Variants in MBOAT2 observed in about 807,000 individuals in gnomAD.
MBOAT2 encodes the protein membrane bound glycerophospholipid O-acyltransferase 2, also known as membrane-bound glycerophospholipid O-acyltransferase 2.
A neutral mutation model predicts 63.4 loss-of-function variants in MBOAT2; 28 were observed. That is an observed-to-expected ratio of 0.44 (90% CI 0.33 to 0.61). The LOEUF (loss-of-function observed/expected upper bound fraction) is 0.61, where lower values mean the gene tolerates loss of function less well. Ranked by LOEUF, MBOAT2 falls within the 20% of genes least tolerant of loss-of-function variation. The pLI is 0.03. For missense variants in MBOAT2, 470 were observed against 605.8 expected (o/e 0.78, Z 2.35); for synonymous variants, 211 against 215.6 (o/e 0.98, Z 0.19).
chr2:8,935,651 CTA>C (rs36047734), intron 3 of MBOAT2, among the ~76,000 whole-genome samples: 25 of 152,188 alleles, frequency 1.6e-4, no homozygotes, highest in Non-Finnish European at 2.2e-4. Context: ...AAAAGTTTAC[CTA>C]TGTGCCCACA....
rs995487653 is a variant in MBOAT2 at position 9,003,422 on chromosome 2, G to T, written c.75+118C>A. 106 of 484,962 alleles carry T rather than the reference G, an allele frequency of 2.2e-4. 1 individual carries two copies. The highest frequency in any genetic ancestry group is 7.3e-4 in the Middle Eastern group (1 of 1,376). 30.0% of individuals were successfully genotyped at this position (484,962 alleles called of 1,614,324 possible). A position where few individuals can be genotyped will look rare whatever the true frequency, so the allele number is the denominator to read the frequency against. The stretch of plus-strand genomic sequence containing the variant: ...TCCCTTCCAGGGAGCGGCGGGTAGG[G>T]GGGCACCGGGCGCCCGGCCCCAGCC... On this transcript the variant is annotated intron_variant, in intron 1 of 12. Coordinates refer to ENST00000305997, the MANE Select transcript of MBOAT2 (RefSeq NM_138799.4). This position sits in a 1 kb window ranked among gnomAD's most constrained non-coding sequence, Gnocchi z 5.4.
rs1279054089 is a variant in MBOAT2 at position 8,958,658 on chromosome 2, A to G, written c.76-16T>C. On this transcript the variant is annotated splice_polypyrimidine_tract_variant and intron_variant, in intron 1 of 12. Transcript: ENST00000305997. ...CAAAGTTGACCTGTAAAGAAAAATTAAAATTTTGTATTAGCAACACAGACC... is the reference window on the plus strand; with the variant it reads ...CAAAGTTGACCTGTAAAGAAAAATTGAAATTTTGTATTAGCAACACAGACC... The G allele has an allele frequency of 6.5e-7, 1 of 1,545,038 alleles. No individual in the cohort carries two copies. Among genetic ancestry groups the G allele is most frequent in the Non-Finnish European group, 8.7e-7 (1 of 1,150,084 alleles).
At chr2:8,863,520 C>T (rs1317337683) in intron 10 of MBOAT2, among the ~76,000 whole-genome samples, 1 of 152,094 alleles carries the variant, frequency 6.6e-6, no homozygotes, top group Non-Finnish European at 1.5e-5. Flanking sequence ...TCTACCTTGC[C>T]CTGTTCACGA....
intron 2 of MBOAT2, among the ~76,000 whole-genome samples, chr2:8,949,441 CT>C (rs548479006): frequency 9.6e-4 from 132 of 137,996 alleles, no homozygotes; most frequent in Middle Eastern, 3.9e-3. Flanking sequence ...ATGTTCCTTG[CT>C]TTTTTTTTTT....
intron 6 of MBOAT2, among the ~76,000 whole-genome samples, chr2:8,879,178 C>T (rs529600165): frequency 6.6e-6 from 1 of 151,226 alleles, no homozygotes; most frequent in South Asian, 2.1e-4. Flanking sequence ...TCTTTCAGTT[C>T]TTTCTATTTA....
At chr2:8,927,224 A>G (rs933785918) in intron 3 of MBOAT2, among the ~76,000 whole-genome samples, 102 of 152,090 alleles carry the variant, frequency 6.7e-4, no homozygotes, top group Non-Finnish European at 7.2e-4. Context: ...CCTTCTTCCA[A>G]TGGCCATTTC....
In MBOAT2 at chr2:8,856,931, T is replaced by A. The variant is rs1377668751; in HGVS notation, c.*1748A>T. On this transcript the variant is annotated 3_prime_UTR_variant, in exon 13 of 13. Coordinates refer to ENST00000305997, the MANE Select transcript of MBOAT2 (RefSeq NM_138799.4). This position sits in a 1 kb window ranked among gnomAD's most constrained non-coding sequence, Gnocchi z 4.2. ...CCTTTCCTGGGTAGGGTTAGCCTTA[T>A]CAGCCGGAAAACACTTACTTTTAGA... is the stretch of plus-strand genomic sequence containing the variant. 1 of 152,242 alleles carries A rather than the reference T, an allele frequency of 6.6e-6. No individual in the cohort carries two copies. The allele number at this position is 152,242 out of a possible 1,614,324, so 9.4% of individuals were successfully genotyped here. A position where few individuals can be genotyped will look rare whatever the true frequency, so the allele number is the denominator to read the frequency against.
At position 8,899,341 on chromosome 2, in the gene MBOAT2, A is replaced by T. The variant is rs189228409; in HGVS notation, c.395+9280T>A. ...CCAAGTCTCCCAATTACAACTGAGG[A>T]GGTGGGAGAAATACCTGGTTACAGG... On this transcript the variant is annotated intron_variant, in intron 4 of 12. Transcript: ENST00000305997. Among the ~76,000 whole-genome samples, 393 of 152,294 alleles carry T rather than the reference A, an allele frequency of 2.6e-3. 2 individuals are homozygous for T. Among genetic ancestry groups the T allele is most frequent in the Non-Finnish European group, 4.0e-3 (273 of 68,018 alleles).
chr2:8,958,901 C>T (rs1255383981), intron 1 of MBOAT2, among the ~76,000 whole-genome samples: 3 of 152,162 alleles, frequency 2.0e-5, no homozygotes, highest in Non-Finnish European at 4.4e-5. Context: ...TGTAGAAGGA[C>T]ACCTGGAAAA....
At chr2:8,967,065 A>G (rs1363805571) in intron 1 of MBOAT2, among the ~76,000 whole-genome samples, 1 of 152,226 alleles carries the variant, frequency 6.6e-6, no homozygotes, top group Non-Finnish European at 1.5e-5. Context: ...GTCAATTCAG[A>G]GGAATATATA....
Position 8,858,682 on chromosome 2 carries a change from C to T in MBOAT2, c.1560G>A (p.Gln520=). ...ACAGCCCTCAGAGCCTTCCCGATCA[C>T]TGCTTTAGTGATGAATGTCTCGAGG... ...EIASRHSSLK[Q] is the part of the protein sequence containing the mutation. The change falls in exon 13 of 13, where the codon CAG becomes CAA. Residue 520 remains glutamine (Q), a synonymous_variant. Coordinates refer to ENST00000305997, the MANE Select transcript of MBOAT2 (RefSeq NM_138799.4). 6.2e-7 allele frequency: 1 copy of T among 1,608,826 alleles called. No individual in the cohort carries two copies. The highest frequency in any genetic ancestry group is 8.5e-7 in the Non-Finnish European group (1 of 1,176,746).
chr2:8,986,538 G>C (rs1671581450), intron 1 of MBOAT2, among the ~76,000 whole-genome samples: 1 of 151,942 alleles, frequency 6.6e-6, no homozygotes, highest in Non-Finnish European at 1.5e-5. Flanking sequence ...ACTCTAGGCT[G>C]GGGGAGACAG....
rs569649878 is a variant in MBOAT2 at position 8,937,224 on chromosome 2, G to A, written c.299+5963C>T. Among the ~76,000 whole-genome samples the A allele has an allele frequency of 8.5e-5, 13 of 152,344 alleles. No individual in the cohort carries two copies. In the East Asian group the frequency reaches 1.7e-3, roughly 20 times the overall value. On this transcript the variant is annotated intron_variant, in intron 3 of 12. Coordinates refer to ENST00000305997, the MANE Select transcript of MBOAT2 (RefSeq NM_138799.4). Reference sequence around the variant, plus strand: ...AGACCCCCATGGGGCAGGCCCTGAGGTGGATCCCAGTGTTCTAAATGAGGC... The same window carrying A: ...AGACCCCCATGGGGCAGGCCCTGAGATGGATCCCAGTGTTCTAAATGAGGC...
chr2:8,894,833 T>C (rs1664309760), intron 4 of MBOAT2, among the ~76,000 whole-genome samples: 1 of 152,230 alleles, frequency 6.6e-6, no homozygotes. Context: ...CTGCAGACCT[T>C]CACGGTGAGT....
At chr2:8,908,827 T>C (rs1331331728) in intron 3 of MBOAT2, 111 bp from the exon 4 acceptor site, 7 of 640,492 alleles carry the variant, frequency 1.1e-5, no homozygotes, top group Non-Finnish European at 1.9e-5. Context: ...TAAATATTAC[T>C]AGATCTACTC....
At chr2:8,891,678 A>G (rs1436947229) in intron 4 of MBOAT2, among the ~76,000 whole-genome samples, 3 of 152,156 alleles carry the variant, frequency 2.0e-5, no homozygotes, top group Admixed American at 2.0e-4. Flanking sequence ...GGGCCCTAGG[A>G]AAGTCTGGGA....
intron 7 of MBOAT2, among the ~76,000 whole-genome samples, chr2:8,875,347 G>A (rs964152314): frequency 6.6e-6 from 1 of 152,088 alleles, no homozygotes; most frequent in Non-Finnish European, 1.5e-5. Flanking sequence ...TCTGATTTAG[G>A]ATGTCTATAA....
intron 1 of MBOAT2, among the ~76,000 whole-genome samples, chr2:8,996,028 G>GTATA (rs1309949824): frequency 2.0e-5 from 3 of 152,212 alleles, no homozygotes; most frequent in Non-Finnish European, 4.4e-5. Flanking sequence ...CCCTCATTGG[G>GTATA]TATACCCTGA....
intron 4 of MBOAT2, among the ~76,000 whole-genome samples, chr2:8,894,233 T>G (rs1664250121): frequency 1.3e-5 from 2 of 152,232 alleles, no homozygotes. Flanking sequence ...CACACTGCTT[T>G]GTGAACACAC....
Sources: allele counts gnomAD v4.1 joint callset (sites outside exome capture counted in the v4.1 genomes callset), GRCh38; gene constraint gnomAD v4.1.1; non-coding constraint Gnocchi (gnomAD v3.1); transcripts MANE v1.5; gene names NCBI Gene and HGNC (gene_info 2026-07-23, HGNC 2026-07-21).